Variants in JAML observed in about 807,000 individuals in gnomAD.
The protein encoded by JAML is junctional adhesion molecule-like.
In JAML, 25 loss-of-function variants were observed where a neutral mutation model predicts 39.3. The observed-to-expected ratio is 0.64, with a 90% confidence interval of 0.46 to 0.89. The LOEUF (loss-of-function observed/expected upper bound fraction) is 0.89, where lower values mean the gene tolerates loss of function less well. JAML is among the 40% of genes least tolerant of loss of function. JAML has a pLI of 0.00. For synonymous variants in JAML, 162 were observed against 179.2 expected, an observed-to-expected ratio of 0.90 and a Z score of 0.77; for missense variants, 440 against 486.9, an observed-to-expected ratio of 0.90 and a Z score of 0.91.
intron 2 of JAML, among the ~76,000 whole-genome samples, chr11:118,214,136 C>T (rs1000104794): frequency 6.6e-6 from 1 of 152,194 alleles, no homozygotes; most frequent in Non-Finnish European, 1.5e-5. Flanking sequence ...TCCAGAACTA[C>T]ATCCATGGGA....
chr11:118,219,453 A>C (rs1949185828), intron 1 of JAML, among the ~76,000 whole-genome samples: 1 of 152,234 alleles, frequency 6.6e-6, no homozygotes, highest in East Asian at 1.9e-4. Flanking sequence ...CTGTTCTGAG[A>C]CATAGCTAAT....
At chr11:118,202,901 TAC>T (rs1948837460) in intron 6 of JAML, 1 of 455,074 alleles carries the variant, frequency 2.2e-6, no homozygotes, top group Admixed American at 2.4e-5. Flanking sequence ...TTTCCTCTCC[TAC>T]ACAGCACTGG....
At chr11:118,196,332 T>C (rs1217001771) in intron 9 of JAML, among the ~76,000 whole-genome samples, 1 of 152,078 alleles carries the variant, frequency 6.6e-6, no homozygotes, top group Non-Finnish European at 1.5e-5. Context: ...TTTGCCACAT[T>C]GGCCAGGCTG....
rs1231786414 is a variant in JAML at position 118,222,629 on chromosome 11, CTAA to C, written c.-21+2309_-21+2311del. Among the ~76,000 whole-genome samples the C allele has an allele frequency of 8.6e-5, 13 of 151,898 alleles. No individual in the cohort carries two copies. Among genetic ancestry groups the C allele is most frequent in the African/African-American group, 3.1e-4 (13 of 41,306 alleles). On this transcript the variant is annotated intron_variant, in intron 1 of 9. Coordinates refer to ENST00000356289, the MANE Select transcript of JAML (RefSeq NM_001098526.2). This position sits in a 1 kb window ranked among gnomAD's most constrained non-coding sequence, Gnocchi z 4.2. ...TTAATCTCTTTTAGGTCACGTGACT[CTAA>C]TGATTTTTAAACATAAAGACAGTGT... is the stretch of plus-strand genomic sequence containing the variant.
chr11:118,202,704 C>G (rs1565476231), intron 6 of JAML: 1 of 328,542 alleles, frequency 3.0e-6, no homozygotes, highest in East Asian at 7.7e-5. Context: ...AGACTTAGGT[C>G]TCTGGCCTGA....
chr11:118,212,827 T>G, intron 2 of JAML: 1 of 1,613,308 alleles, frequency 6.2e-7, no homozygotes, highest in Non-Finnish European at 8.5e-7. Flanking sequence ...TTTCTGGAAT[T>G]CTTCCTCCCA....
At chr11:118,203,028 A>G (rs750044395) in intron 6 of JAML, 1 of 460,996 alleles carries the variant, frequency 2.2e-6, no homozygotes, top group South Asian at 1.5e-5. Context: ...CTAGCTTAGG[A>G]TCATTTCCCG....
chr11:118,203,077 G>A (rs1212290532), intron 6 of JAML: 1 of 482,422 alleles, frequency 2.1e-6, no homozygotes, highest in East Asian at 6.1e-5. Context: ...TTGAAACCAA[G>A]TATGCTGACT....
At chr11:118,195,913 C>A (rs1300270179) in intron 9 of JAML, among the ~76,000 whole-genome samples, 1 of 151,774 alleles carries the variant, frequency 6.6e-6, no homozygotes, top group Non-Finnish European at 1.5e-5. Context: ...CTCACTGCAA[C>A]CTCCACCTCC....
intron 5 of JAML, chr11:118,204,718 C>T (rs1273606960): frequency 6.6e-6 from 1 of 152,178 alleles, no homozygotes; most frequent in East Asian, 1.9e-4. Context: ...CTTACTATTG[C>T]CTGATGTATT....
rs566784870 is a variant in JAML at position 118,224,995 on chromosome 11, A to T, written c.-75T>A. 2 of 152,368 alleles carry T rather than the reference A, an allele frequency of 1.3e-5. No homozygotes were observed. The highest frequency in any genetic ancestry group is 4.8e-5 in the African/African-American group (2 of 41,582). The allele number at this position is 152,368 out of a possible 1,614,324, so 9.4% of individuals were successfully genotyped here. On this transcript the variant is annotated 5_prime_UTR_variant, in exon 1 of 10. Transcript: ENST00000356289. ...TGCACTGAAATCTCCCCACAGCTGC[A>T]GTCCCCAAGCTCAACTGAAAGACTG...
intron 1 of JAML, among the ~76,000 whole-genome samples, chr11:118,217,483 T>C (rs912578493): frequency 3.3e-5 from 5 of 152,238 alleles, no homozygotes; most frequent in African/African-American, 1.2e-4. Flanking sequence ...ACAGAAGCAA[T>C]GATTTTAGCG....
chr11:118,198,554 G>T (rs1573580), intron 7 of JAML, among the ~76,000 whole-genome samples: 1 of 151,824 alleles, frequency 6.6e-6, no homozygotes, highest in African/African-American at 2.4e-5. Context: ...ACAAACACCC[G>T]ACCCAAGCCC....
At chr11:118,204,075 C>T (rs2134654750) in intron 5 of JAML, 1 of 201,686 alleles carries the variant, frequency 5.0e-6, no homozygotes, top group South Asian at 8.1e-5. Context: ...CATTTTGGTA[C>T]ATGGCAATGC....
At chr11:118,204,933 A>G (rs1171321435) in intron 5 of JAML, 1 of 152,218 alleles carries the variant, frequency 6.6e-6, no homozygotes, top group African/African-American at 2.4e-5. Flanking sequence ...AACATGAATG[A>G]AGTGACCTGG....
chr11:118,200,529 T>C lies in JAML; in HGVS notation c.856A>G (p.Ile286Val), dbSNP rs757648886. 2 of 1,614,082 alleles carry C rather than the reference T, an allele frequency of 1.2e-6. No homozygotes were observed. Among genetic ancestry groups the C allele is most frequent in the Admixed American group, 1.7e-5 (1 of 60,010 alleles). ...VIIVGIVCAT[I>V]LLLPVLILIV... ...AATATCAGAACAGGGAGCAGCAGGA[T>C]TGTGGCACAGACAATTCCCACAATG... The change falls in exon 7 of 10, where the codon ATC becomes GTC. Residue 286 changes from isoleucine (I) to valine (V), a missense_variant. Coordinates refer to ENST00000356289, the MANE Select transcript of JAML (RefSeq NM_001098526.2).
intron 2 of JAML, among the ~76,000 whole-genome samples, chr11:118,213,876 G>A (rs1424078231): frequency 6.6e-6 from 1 of 152,172 alleles, no homozygotes; most frequent in Non-Finnish European, 1.5e-5. Context: ...CTAGGAAAAT[G>A]TCTAAATACC....
rs1330400920 is a variant in JAML, at chr11:118,194,430, G to A, written c.1093-13C>T. Reference sequence around the variant, plus strand: ...GCCAAACTGGGTGCTGTGGGGGAAGGGCAGAAAGAAACAAAACATGCTTGT... The same window carrying A: ...GCCAAACTGGGTGCTGTGGGGGAAGAGCAGAAAGAAACAAAACATGCTTGT... On this transcript the variant is annotated splice_polypyrimidine_tract_variant and intron_variant, in intron 9 of 9. Transcript: ENST00000356289. The A allele has an allele frequency of 6.2e-7, 1 of 1,608,726 alleles. No homozygotes were observed. Among genetic ancestry groups the A allele is most frequent in the African/African-American group, 1.3e-5 (1 of 74,754 alleles).
chr11:118,217,968 C>A (rs891933532), intron 1 of JAML, among the ~76,000 whole-genome samples: 12 of 152,232 alleles, frequency 7.9e-5, no homozygotes, highest in African/African-American at 2.9e-4. Flanking sequence ...AATGGTCTAC[C>A]AATCCACCTT....
Sources: gnomAD v4.1 joint callset for allele counts (sites outside exome capture counted in the v4.1 genomes callset) on GRCh38, gnomAD v4.1.1 for gene constraint, Gnocchi (gnomAD v3.1) non-coding constraint, MANE v1.5 for transcripts, NCBI Gene and HGNC (gene_info 2026-07-23, HGNC 2026-07-21) for gene names.